DPP10: variants seen among roughly 807,000 people sequenced by gnomAD.
DPP10 encodes the protein dipeptidyl peptidase like 10, also known as inactive dipeptidyl peptidase 10.
DPP10 carries 33 observed loss-of-function variants against 120.9 expected under a neutral mutation model. That is an observed-to-expected ratio of 0.27 (90% CI 0.21 to 0.37). The LOEUF is 0.37. Among genes scored for constraint, DPP10 ranks in the 10% least tolerant of loss-of-function variants. DPP10 has a pLI of 1.00. For synonymous variants in DPP10, 337 were observed against 326.1 expected, an observed-to-expected ratio of 1.03 and a Z score of -0.36; for missense variants, 816 against 942.8, an observed-to-expected ratio of 0.87 and a Z score of 1.76.
At chr2:114,624,093 A>G (rs1179395964) in intron 1 of DPP10, among the ~76,000 whole-genome samples, 1 of 152,032 alleles carries the variant, frequency 6.6e-6, no homozygotes, top group Admixed American at 6.6e-5. Flanking sequence ...TTGCTCTGTG[A>G]ATAGGTATAT....
At chr2:115,003,108 A>G (rs1164355831) in intron 1 of DPP10, among the ~76,000 whole-genome samples, 1 of 151,368 alleles carries the variant, frequency 6.6e-6, no homozygotes, top group Non-Finnish European at 1.5e-5. Flanking sequence ...CATGAGCTCA[A>G]CCTAGATTCC....
At chr2:115,782,112 T>G (rs754231967) in intron 16 of DPP10, among the ~76,000 whole-genome samples, 1 of 151,918 alleles carries the variant, frequency 6.6e-6, no homozygotes, top group Non-Finnish European at 1.5e-5. Context: ...ATATAGAACA[T>G]TTGGGGGAAG....
At chr2:114,989,488 A>G (rs1393619976) in intron 1 of DPP10, among the ~76,000 whole-genome samples, 1 of 152,212 alleles carries the variant, frequency 6.6e-6, no homozygotes, top group Non-Finnish European at 1.5e-5. Context: ...ATATGTCTGG[A>G]AAGATTGTTG....
intron 1 of DPP10, among the ~76,000 whole-genome samples, chr2:114,536,578 T>A (rs560679829): frequency 1.3e-5 from 2 of 152,076 alleles, no homozygotes; most frequent in Admixed American, 1.3e-4. Flanking sequence ...GCTAATTTTT[T>A]GTATTTTTAG....
intron 1 of DPP10, among the ~76,000 whole-genome samples, chr2:115,020,148 G>A (rs1702967050): frequency 6.6e-6 from 1 of 152,082 alleles, no homozygotes; most frequent in Non-Finnish European, 1.5e-5. Flanking sequence ...GAATAGAATA[G>A]TACCACACAT....
intron 1 of DPP10, among the ~76,000 whole-genome samples, chr2:114,973,805 GT>G (rs1699565449): frequency 6.6e-6 from 1 of 152,068 alleles, no homozygotes; most frequent in Non-Finnish European, 1.5e-5. Flanking sequence ...GGGACAAGAT[GT>G]GGCAGCAGAA....
At chr2:115,512,154 G>A (rs191221962) in intron 4 of DPP10, among the ~76,000 whole-genome samples, 2 of 151,726 alleles carry the variant, frequency 1.3e-5, no homozygotes, top group African/African-American at 4.8e-5. Flanking sequence ...AGGCTGGAGT[G>A]CAGTGTTGTG....
intron 1 of DPP10, among the ~76,000 whole-genome samples, chr2:114,486,961 A>G (rs1681571659): frequency 6.6e-6 from 1 of 152,160 alleles, no homozygotes; most frequent in Non-Finnish European, 1.5e-5. Context: ...ATAATTTTAC[A>G]TGTTGCAATT....
At chr2:115,551,996 G>T (rs2079903869) in intron 5 of DPP10, among the ~76,000 whole-genome samples, 1 of 152,060 alleles carries the variant, frequency 6.6e-6, no homozygotes, top group Non-Finnish European at 1.5e-5. Context: ...TTTCACTGAT[G>T]CCTGTGACCT....
At chr2:114,960,207 A>T (rs934310606) in intron 1 of DPP10, among the ~76,000 whole-genome samples, 3 of 152,122 alleles carry the variant, frequency 2.0e-5, no homozygotes, top group Admixed American at 1.3e-4. Context: ...AGGCATGACA[A>T]TTATTTTCCT....
At chr2:114,956,910 T>C (rs1698247838) in intron 1 of DPP10, among the ~76,000 whole-genome samples, 1 of 149,644 alleles carries the variant, frequency 6.7e-6, no homozygotes, top group South Asian at 2.1e-4. Flanking sequence ...TAGACCCTTT[T>C]CTCACACCAT....
At chr2:114,549,763 G>C (rs1404653569) in intron 1 of DPP10, among the ~76,000 whole-genome samples, 1 of 151,516 alleles carries the variant, frequency 6.6e-6, no homozygotes, top group African/African-American at 2.4e-5. Flanking sequence ...ATCCTGGTTG[G>C]AGACAGCTGG....
chr2:115,415,949 T>A (rs987203138), intron 3 of DPP10, among the ~76,000 whole-genome samples: 17 of 150,048 alleles, frequency 1.1e-4, no homozygotes, highest in African/African-American at 4.1e-4. Context: ...AAATTTTTTA[T>A]GTAGTAATCT....
intron 1 of DPP10, among the ~76,000 whole-genome samples, chr2:114,637,226 T>C (rs1409405349): frequency 6.6e-6 from 1 of 151,942 alleles, no homozygotes; most frequent in Non-Finnish European, 1.5e-5. Context: ...AATAATTATA[T>C]TTCGTTAATG....
chr2:115,546,101 T>C (rs1214284369), intron 5 of DPP10, among the ~76,000 whole-genome samples: 1 of 152,142 alleles, frequency 6.6e-6, no homozygotes, highest in East Asian at 1.9e-4. Flanking sequence ...GCATTCGGAT[T>C]TGGGAACATC....
At chr2:115,342,986 AT>A (rs2063524416) in intron 2 of DPP10, among the ~76,000 whole-genome samples, 1 of 152,166 alleles carries the variant, frequency 6.6e-6, no homozygotes, top group African/African-American at 2.4e-5. Context: ...TATCCTTGAC[AT>A]TTTATTTTCA....
intron 4 of DPP10, among the ~76,000 whole-genome samples, chr2:115,519,936 A>T (rs1177152384): frequency 6.6e-6 from 1 of 152,238 alleles, no homozygotes; most frequent in East Asian, 1.9e-4. Flanking sequence ...TTCCAAAATG[A>T]TAGATGGCTT....
intron 1 of DPP10, among the ~76,000 whole-genome samples, chr2:115,014,630 T>C (rs1470149120): frequency 6.6e-6 from 1 of 151,216 alleles, no homozygotes; most frequent in African/African-American, 2.4e-5. Flanking sequence ...AAGAATGAAA[T>C]AGACACAATA....
At chr2:115,135,684 C>A (rs917706970) in intron 1 of DPP10, among the ~76,000 whole-genome samples, 34 of 152,122 alleles carry the variant, frequency 2.2e-4, no homozygotes, top group African/African-American at 7.7e-4. Context: ...CTTTTTGGTT[C>A]TTGTAGTGAA....
Sources: allele counts gnomAD v4.1 joint callset (sites outside exome capture counted in the v4.1 genomes callset), GRCh38; gene constraint gnomAD v4.1.1; transcripts MANE v1.5; gene names NCBI Gene and HGNC (gene_info 2026-07-23, HGNC 2026-07-21).